The following AEBP2 variants were observed in gnomAD, a reference collection of about 807,000 sequenced individuals.
AEBP2 encodes the protein zinc finger protein AEBP2.
In AEBP2, 10 loss-of-function variants were observed where a neutral mutation model predicts 50.8. That is an observed-to-expected ratio of 0.20 (90% CI 0.12 to 0.33). The LOEUF (loss-of-function observed/expected upper bound fraction) is 0.33, where lower values mean the gene tolerates loss of function less well. AEBP2 is among the 10% of genes least tolerant of loss of function. The pLI is 1.00. For synonymous variants in AEBP2, 296 were observed against 261.3 expected, an observed-to-expected ratio of 1.13 and a Z score of -1.28; for missense variants, 570 against 688.0, an observed-to-expected ratio of 0.83 and a Z score of 1.92.
At chr12:19,438,031 C>A (rs1427898073), upstream of AEBP2, among the ~76,000 whole-genome samples, 1 of 152,202 alleles carries the variant, frequency 6.6e-6, no homozygotes, top group Non-Finnish European at 1.5e-5. Context: ...TTCCAGTCTC[C>A]TTTCTTCCAA....
chr12:19,485,828 G>A (rs939615398), intron 3 of AEBP2, among the ~76,000 whole-genome samples: 3 of 151,886 alleles, frequency 2.0e-5, no homozygotes, highest in East Asian at 3.9e-4. Context: ...TGACCTATGA[G>A]ATTCTCTGGG....
At chr12:19,485,640 T>G (rs1449286099) in intron 3 of AEBP2, among the ~76,000 whole-genome samples, 1 of 147,840 alleles carries the variant, frequency 6.8e-6, no homozygotes, top group Non-Finnish European at 1.5e-5. Context: ...GTCTGGGTGT[T>G]TGGGGCTGCA....
At chr12:19,451,686 A>AT (rs34094890) in intron 1 of AEBP2, among the ~76,000 whole-genome samples, 38,715 of 146,640 alleles carry the variant, frequency 0.26, 6,162 homozygotes, top group African/African-American at 0.47. Context: ...CCATCTTTTA[A>AT]TTTTTTTTTT....
upstream of AEBP2, among the ~76,000 whole-genome samples, chr12:19,437,221 T>A (rs140135604): frequency 7.6e-4 from 115 of 152,298 alleles, no homozygotes; most frequent in African/African-American, 2.7e-3. Context: ...TCTCTTTTTG[T>A]ACAATCACAT....
chr12:19,473,228 G>T lies in AEBP2; in HGVS notation c.880-20G>T. The T allele has an allele frequency of 1.6e-6, 2 of 1,233,558 alleles. No homozygotes were observed. Among genetic ancestry groups the T allele is most frequent in the Non-Finnish European group, 2.2e-6 (2 of 913,536 alleles). 76.4% of individuals were successfully genotyped at this position (1,233,558 alleles called of 1,614,324 possible). A position where few individuals can be genotyped will look rare whatever the true frequency, so the allele number is the denominator to read the frequency against. On this transcript the variant is annotated intron_variant, in intron 2 of 7. Transcript: ENST00000266508. ...TGAGATAAGTCATGAAAATTAATAT[G>T]GTTCTGTTTTTCTTAACAGGTATTT...
chr12:19,489,557 T>C (rs900912318), intron 3 of AEBP2, among the ~76,000 whole-genome samples: 7 of 152,196 alleles, frequency 4.6e-5, no homozygotes, highest in African/African-American at 1.7e-4. Flanking sequence ...AATCGGTTTC[T>C]TTTTCATCAG....
intron 1 of AEBP2, among the ~76,000 whole-genome samples, chr12:19,447,903 G>A (rs903464209): frequency 5.3e-5 from 8 of 152,220 alleles, no homozygotes; most frequent in African/African-American, 1.7e-4. Context: ...GGGTGCTGCT[G>A]TAGAGTTGGC....
At chr12:19,423,826 G>C (rs1038396093) in intron 1 of AEBP2, among the ~76,000 whole-genome samples, 1 of 152,154 alleles carries the variant, frequency 6.6e-6, no homozygotes, top group African/African-American at 2.4e-5. Flanking sequence ...GGGCGACAGA[G>C]TGAGATTCTG....
intron 1 of AEBP2, among the ~76,000 whole-genome samples, chr12:19,453,747 G>T (rs1194150366): frequency 1.3e-5 from 2 of 151,798 alleles, no homozygotes; most frequent in Non-Finnish European, 2.9e-5. Context: ...TTTGAAGTGG[G>T]TGTTTGTGGA....
intron 5 of AEBP2, chr12:19,509,316 A>G (rs1330053016): frequency 9.4e-6 from 2 of 213,080 alleles, no homozygotes; most frequent in East Asian, 2.1e-4. Flanking sequence ...TCTACTATGA[A>G]TGCTTTTGGT....
At chr12:19,452,331 G>T (rs1350775685) in intron 1 of AEBP2, among the ~76,000 whole-genome samples, 1 of 152,074 alleles carries the variant, frequency 6.6e-6, no homozygotes, top group Admixed American at 6.6e-5. Context: ...TCTCACACAA[G>T]CACATAGAAC....
At chr12:19,429,151 C>T (rs996974863) in intron 1 of AEBP2, among the ~76,000 whole-genome samples, 8 of 152,246 alleles carry the variant, frequency 5.3e-5, no homozygotes, top group East Asian at 3.9e-4. Flanking sequence ...CAACAGGCCC[C>T]GGTGTGTGAT....
intron 1 of AEBP2, among the ~76,000 whole-genome samples, chr12:19,431,962 C>A (rs2095751656): frequency 6.6e-6 from 1 of 152,086 alleles, no homozygotes; most frequent in Non-Finnish European, 1.5e-5. Flanking sequence ...AGAAGTATGT[C>A]ATTTGTAGTA....
chr12:19,466,805 G>T (rs1272235498), intron 2 of AEBP2: 1 of 984,740 alleles, frequency 1.0e-6, no homozygotes, highest in Non-Finnish European at 1.2e-6. Flanking sequence ...AACCCTAGAA[G>T]ATTTTATGCT....
At chr12:19,460,962 CT>C (rs989914460) in intron 1 of AEBP2, among the ~76,000 whole-genome samples, 1 of 151,208 alleles carries the variant, frequency 6.6e-6, no homozygotes, top group East Asian at 1.9e-4. Flanking sequence ...CCTGAATGTT[CT>C]TTTTTTTTAA....
intron 1 of AEBP2, among the ~76,000 whole-genome samples, chr12:19,443,183 G>A (rs771559912): frequency 6.9e-4 from 104 of 150,936 alleles, no homozygotes; most frequent in Non-Finnish European, 1.3e-3. Flanking sequence ...TGCAACCTCT[G>A]CCTTGTGGGT....
At chr12:19,423,280 G>T (rs2095746811) in intron 1 of AEBP2, among the ~76,000 whole-genome samples, 1 of 151,876 alleles carries the variant, frequency 6.6e-6, no homozygotes, top group Non-Finnish European at 1.5e-5. Flanking sequence ...ATTTTATATT[G>T]TTCATCCCTC....
At chr12:19,493,614 A>G (rs1157561609) in intron 3 of AEBP2, among the ~76,000 whole-genome samples, 186 bp from the exon 4 acceptor site, 3 of 152,160 alleles carry the variant, frequency 2.0e-5, no homozygotes, top group African/African-American at 4.8e-5. Context: ...TGTCTAATGT[A>G]TGTCATCTTA....
At chr12:19,435,405 T>C (rs1471005557), upstream of AEBP2, among the ~76,000 whole-genome samples, 1 of 152,028 alleles carries the variant, frequency 6.6e-6, no homozygotes, top group Non-Finnish European at 1.5e-5. Context: ...GCCTGGCTAA[T>C]TTTTTTATTT....
Sources: allele counts gnomAD v4.1 joint callset (sites outside exome capture counted in the v4.1 genomes callset), GRCh38; gene constraint gnomAD v4.1.1; transcripts MANE v1.5; gene names NCBI Gene and HGNC (gene_info 2026-07-23, HGNC 2026-07-21).